DHX32: variants seen among roughly 807,000 people sequenced by gnomAD.
The protein encoded by DHX32 is putative pre-mRNA-splicing factor ATP-dependent RNA helicase DHX32.
A neutral mutation model predicts 70.0 loss-of-function variants in DHX32; 51 were observed. The ratio of observed to expected loss-of-function variants is 0.73; its 90% CI spans 0.58 to 0.92. DHX32 has a LOEUF of 0.92. Among genes scored for constraint, DHX32 ranks in the 40% least tolerant of loss-of-function variants. The pLI, the probability that DHX32 is intolerant of heterozygous loss-of-function variation, is 0.00. For missense variants in DHX32, 762 were observed against 891.8 expected, an observed-to-expected ratio of 0.85 and a Z score of 1.85; for synonymous variants, 310 against 315.3, an observed-to-expected ratio of 0.98 and a Z score of 0.18.
At chr10:125,841,680 C>A in intron 7 of DHX32, 63 bp downstream of exon 7, 1 of 1,561,738 alleles carries the variant, frequency 6.4e-7, no homozygotes, top group Non-Finnish European at 8.6e-7. Context: ...CAAATGGATC[C>A]GATCTAAATC....
chr10:125,885,884 T>C (rs1421165922), upstream of DHX32, among the ~76,000 whole-genome samples: 1 of 152,206 alleles, frequency 6.6e-6, no homozygotes, highest in African/African-American at 2.4e-5. Flanking sequence ...CCTTAGCCCC[T>C]TACAGTCAGG....
At chr10:125,865,001 A>G (rs1182577377) in intron 2 of DHX32, among the ~76,000 whole-genome samples, 2 of 151,026 alleles carry the variant, frequency 1.3e-5, no homozygotes, top group African/African-American at 4.8e-5. Context: ...CCATATCATG[A>G]CAAAGCTCTT....
intron 1 of DHX32, among the ~76,000 whole-genome samples, chr10:125,878,340 T>A (rs1027058475): frequency 6.6e-6 from 1 of 152,222 alleles, no homozygotes; most frequent in Non-Finnish European, 1.5e-5. Flanking sequence ...AGGAGATGAC[T>A]AAGTAAAGAA....
At chr10:125,858,475 C>T (rs998655976) in intron 3 of DHX32, among the ~76,000 whole-genome samples, 28 of 152,108 alleles carry the variant, frequency 1.8e-4, no homozygotes, top group Non-Finnish European at 4.0e-4. Context: ...AATATGCAGT[C>T]ATATTGAGGT....
chr10:125,893,871 A>G (rs571489914), intron 1 of DHX32, among the ~76,000 whole-genome samples: 219 of 152,378 alleles, frequency 1.4e-3, no homozygotes, highest in African/African-American at 5.0e-3. Context: ...TACATTTTTT[A>G]TCAACCTATT....
At chr10:125,838,474 T>A in intron 9 of DHX32, 87 bp from the exon 10 acceptor site, 1 of 1,244,396 alleles carries the variant, frequency 8.0e-7, no homozygotes, top group Non-Finnish European at 1.1e-6. Flanking sequence ...AATACCAAAG[T>A]ATTTTATACG....
intron 10 of DHX32, among the ~76,000 whole-genome samples, chr10:125,837,666 C>T (rs1015352633): frequency 2.0e-5 from 3 of 152,198 alleles, no homozygotes; most frequent in Non-Finnish European, 4.4e-5. Context: ...CTCAAGCCAT[C>T]TTCCTCCTGC....
chr10:125,846,598 G>A (rs937376167), intron 6 of DHX32, among the ~76,000 whole-genome samples: 1 of 152,190 alleles, frequency 6.6e-6, no homozygotes, highest in Non-Finnish European at 1.5e-5. Flanking sequence ...ATATGGAGAT[G>A]CACACGTAAA....
chr10:125,850,357 T>TC (rs200257935), intron 6 of DHX32, among the ~76,000 whole-genome samples: 24 of 146,890 alleles, frequency 1.6e-4, no homozygotes, highest in African/African-American at 2.5e-4. Flanking sequence ...TTTCTTTCTT[T>TC]TTTTTTTTTT....
intron 1 of DHX32, among the ~76,000 whole-genome samples, chr10:125,893,493 T>C (rs979604154): frequency 2.6e-5 from 4 of 152,200 alleles, no homozygotes; most frequent in Non-Finnish European, 5.9e-5. Context: ...TCCGCCTGCC[T>C]TGGCCTCCCA....
At chr10:125,891,062 G>A (rs1202147321) in intron 1 of DHX32, among the ~76,000 whole-genome samples, 1 of 152,136 alleles carries the variant, frequency 6.6e-6, no homozygotes, top group African/African-American at 2.4e-5. Flanking sequence ...CAAAGGTATT[G>A]TCAGAAGTTC....
In DHX32 at chr10:125,864,603, A is replaced by G. The variant is rs953036234; in HGVS notation, c.476+2387T>C. On this transcript the variant is annotated intron_variant, in intron 2 of 10. Coordinates refer to ENST00000284690, the MANE Select transcript of DHX32 (RefSeq NM_018180.3). The stretch of plus-strand genomic sequence containing the variant: ...TCTAACAGTATTATTAGATTTCCCC[A>G]CCATTATTTGTCTTTGTGGCTTTCC... Among the ~76,000 whole-genome samples, 8 of 151,966 alleles carry G rather than the reference A, an allele frequency of 5.3e-5. No homozygotes were observed. The East Asian group carries it at 1.5e-3, about 29-fold the overall frequency.
chr10:125,887,102 A>G (rs1944344600), intron 1 of DHX32, among the ~76,000 whole-genome samples: 1 of 152,186 alleles, frequency 6.6e-6, no homozygotes, highest in African/African-American at 2.4e-5. Context: ...ATATGCTTCT[A>G]AGGGCAACAT....
chr10:125,868,075 C>A (rs1382246972), intron 1 of DHX32, among the ~76,000 whole-genome samples: 1 of 152,166 alleles, frequency 6.6e-6, no homozygotes, highest in East Asian at 1.9e-4. Flanking sequence ...ATAAACCCAT[C>A]TAAATAAACC....
intron 10 of DHX32, 136 bp downstream of exon 10, chr10:125,838,070 A>G (rs1854753423): frequency 1.3e-6 from 1 of 751,216 alleles, no homozygotes; most frequent in Non-Finnish European, 2.1e-6. Context: ...GCCTGCCCTT[A>G]GTAGGTACTG....
At chr10:125,850,636 T>C (rs1046241436) in intron 6 of DHX32, among the ~76,000 whole-genome samples, 2 of 152,194 alleles carry the variant, frequency 1.3e-5, no homozygotes, top group African/African-American at 2.4e-5. Flanking sequence ...ATTAGAGGCG[T>C]GAGCCACTGT....
At chr10:125,840,189 T>G (rs1443250944) in intron 8 of DHX32, among the ~76,000 whole-genome samples, 2 of 152,242 alleles carry the variant, frequency 1.3e-5, no homozygotes, top group African/African-American at 4.8e-5. Flanking sequence ...TTGCCCTGTT[T>G]GCCCCCTCCT....
rs190581672 is a variant in DHX32, at chr10:125,853,588, A to C, written c.1092+373T>G. On this transcript the variant is annotated intron_variant, in intron 4 of 10. Coordinates refer to ENST00000284690, the MANE Select transcript of DHX32 (RefSeq NM_018180.3). ...ACTCTGATAAAGGGGCTATCAAAAA[A>C]ATCCAGTAAATTGTTCATAAGAAGA... The C allele has an allele frequency of 4.9e-4, 104 of 213,918 alleles. No individual in the cohort carries two copies. The Middle Eastern group carries it at 0.018, about 37-fold the overall frequency. 13.3% of individuals were successfully genotyped at this position (213,918 alleles called of 1,614,324 possible).
intron 7 of DHX32, chr10:125,841,408 C>A (rs1359069651): frequency 6.2e-7 from 1 of 1,602,944 alleles, no homozygotes; most frequent in Non-Finnish European, 8.5e-7. Context: ...AAATAAAAAA[C>A]AGGCACACAA....
Sources: gnomAD v4.1 joint callset for allele counts (sites outside exome capture counted in the v4.1 genomes callset) on GRCh38, gnomAD v4.1.1 for gene constraint, MANE v1.5 for transcripts, NCBI Gene and HGNC (gene_info 2026-07-23, HGNC 2026-07-21) for gene names.